The following SNAP91 variants were observed in gnomAD, a reference collection of about 807,000 sequenced individuals.
SNAP91 encodes the protein synaptosome associated protein 91, also known as clathrin coat assembly protein AP180.
Under a neutral mutation model 100.3 loss-of-function variants are expected in SNAP91, and 27 were observed. The observed-to-expected ratio is 0.27, with a 90% CI of 0.20 to 0.37. The LOEUF (loss-of-function observed/expected upper bound fraction) is 0.37, where lower values mean the gene tolerates loss of function less well. Ranked by LOEUF, SNAP91 falls within the 10% of genes least tolerant of loss-of-function variation. The pLI, the probability that SNAP91 is intolerant of heterozygous loss-of-function variation, is 1.00. For synonymous variants in SNAP91, 404 were observed against 398.6 expected, an observed-to-expected ratio of 1.01 and a Z score of -0.16; for missense variants, 986 against 1,123.7, an observed-to-expected ratio of 0.88 and a Z score of 1.75.
intron 11 of SNAP91, among the ~76,000 whole-genome samples, chr6:83,612,890 G>A (rs1251795393): frequency 7.4e-5 from 5 of 67,592 alleles, no homozygotes; most frequent in Non-Finnish European, 1.2e-4. Context: ...GCGAGACTCA[G>A]TCTCAAAAAA....
At chr6:83,575,673 T>A (rs1343679517) in intron 25 of SNAP91, 1 of 239,230 alleles carries the variant, frequency 4.2e-6, no homozygotes, top group Non-Finnish European at 7.9e-6. Flanking sequence ...TTACAATTAA[T>A]ACTCCATGAA....
In SNAP91 at chr6:83,665,411, C is replaced by CA. The variant is rs770982555; in HGVS notation, c.273+27dup. ...CTTCCTAAAAGCCTCCTTCCTCCAT[C>CA]AAAAAAAGAAAAGTTTACTTAGTTT... On this transcript the variant is annotated intron_variant, in intron 3 of 29. Transcript: ENST00000369694. The CA allele has an allele frequency of 6.3e-6, 10 of 1,599,168 alleles. No homozygotes were observed. In the Admixed American group the frequency reaches 1.2e-4, roughly 20 times the overall value.
chr6:83,655,372 C>A (rs960454143), intron 7 of SNAP91, among the ~76,000 whole-genome samples: 1 of 152,148 alleles, frequency 6.6e-6, no homozygotes, highest in Non-Finnish European at 1.5e-5. Context: ...GAAGACTCTG[C>A]AACTTCTCCA....
intron 13 of SNAP91, among the ~76,000 whole-genome samples, chr6:83,607,277 G>C (rs76762455): frequency 0.018 from 2,806 of 152,000 alleles, 79 homozygotes; most frequent in African/African-American, 0.061. Flanking sequence ...TACCACCAGA[G>C]TGTGAGTTCC....
At chr6:83,698,476 G>A (rs573633671) in intron 2 of SNAP91, among the ~76,000 whole-genome samples, 1 of 152,094 alleles carries the variant, frequency 6.6e-6, no homozygotes, top group African/African-American at 2.4e-5. Flanking sequence ...AGGCCTTTGA[G>A]ACTAAGCAAG....
intron 26 of SNAP91, among the ~76,000 whole-genome samples, chr6:83,571,318 T>C (rs1190631903): frequency 1.3e-5 from 2 of 152,164 alleles, no homozygotes; most frequent in African/African-American, 4.8e-5. Flanking sequence ...TTGGCCAGGA[T>C]GGTCTCGATC....
intron 7 of SNAP91, among the ~76,000 whole-genome samples, chr6:83,653,504 C>T (rs1246531176): frequency 6.6e-6 from 1 of 152,108 alleles, no homozygotes; most frequent in Non-Finnish European, 1.5e-5. Flanking sequence ...CTTACATTGC[C>T]TATCTGTTCT....
chr6:83,611,211 C>A (rs989514666), intron 11 of SNAP91, among the ~76,000 whole-genome samples: 3 of 152,062 alleles, frequency 2.0e-5, no homozygotes, highest in African/African-American at 7.2e-5. Context: ...TTTTCCCCCC[C>A]CATGGCTGTA....
chr6:83,680,942 C>T (rs1178648334), intron 2 of SNAP91, among the ~76,000 whole-genome samples: 1 of 152,106 alleles, frequency 6.6e-6, no homozygotes, highest in Non-Finnish European at 1.5e-5. Context: ...TCAATACTTA[C>T]CTAGTTTTGG....
chr6:83,691,465 T>C (rs1162568084), intron 2 of SNAP91, among the ~76,000 whole-genome samples: 1 of 152,148 alleles, frequency 6.6e-6, no homozygotes, highest in East Asian at 1.9e-4. Flanking sequence ...ACAATGTATA[T>C]CGAGATTCAC....
At chr6:83,667,771 C>T (rs1254339955) in intron 2 of SNAP91, among the ~76,000 whole-genome samples, 3 of 152,038 alleles carry the variant, frequency 2.0e-5, no homozygotes, top group African/African-American at 7.2e-5. Context: ...TATGCATGGG[C>T]AAGGACTTCA....
At chr6:83,667,902 A>C (rs2098716506) in intron 2 of SNAP91, among the ~76,000 whole-genome samples, 1 of 152,166 alleles carries the variant, frequency 6.6e-6, no homozygotes, top group South Asian at 2.1e-4. Context: ...CAACCTACAG[A>C]ATGGGAGAAA....
chr6:83,624,229 T>C (rs930965695), intron 8 of SNAP91, among the ~76,000 whole-genome samples: 2 of 152,034 alleles, frequency 1.3e-5, no homozygotes, highest in Non-Finnish European at 2.9e-5. Context: ...TAAAGGTAAA[T>C]CAATGAAGAG....
chr6:83,591,095 A>AT lies in SNAP91; in HGVS notation c.2014+115dup, dbSNP rs142513418. 2,154 of 670,176 alleles carry AT rather than the reference A, an allele frequency of 3.2e-3. 26 individuals carry two copies. In the African/African-American group the frequency reaches 0.035, roughly 11 times the overall value. The allele number at this position is 670,176 out of a possible 1,614,324, so 41.5% of individuals were successfully genotyped here. A position where few individuals can be genotyped will look rare whatever the true frequency, so the allele number is the denominator to read the frequency against. On this transcript the variant is annotated intron_variant, in intron 22 of 29. Transcript: ENST00000369694. ...AATACTTGTCCCCTCCCTCAATTTT[A>AT]TGTCTTGAAAGAAAAAGAAAACATG...
chr6:83,578,185 T>A (rs1479846938), intron 24 of SNAP91, among the ~76,000 whole-genome samples: 1 of 152,190 alleles, frequency 6.6e-6, no homozygotes, highest in African/African-American at 2.4e-5. Flanking sequence ...AACATTCATG[T>A]ACAAGTTTTT....
At chr6:83,596,733 T>C (rs2094514431) in intron 16 of SNAP91, among the ~76,000 whole-genome samples, 2 of 148,462 alleles carry the variant, frequency 1.3e-5, no homozygotes, top group Non-Finnish European at 3.0e-5. Flanking sequence ...GTACATTATA[T>C]ATATATGTAT....
intron 22 of SNAP91, among the ~76,000 whole-genome samples, chr6:83,585,857 T>C (rs541311721): frequency 9.3e-5 from 14 of 150,288 alleles, no homozygotes; most frequent in African/African-American, 3.2e-4. Context: ...TTCTTTCTTT[T>C]TTTTTTTTTT....
At chr6:83,570,450 A>T (rs7752339) in intron 26 of SNAP91, among the ~76,000 whole-genome samples, 2 of 151,848 alleles carry the variant, frequency 1.3e-5, no homozygotes, top group African/African-American at 4.8e-5. Context: ...TAAGTAACAA[A>T]GAGCCGAATG....
intron 8 of SNAP91, among the ~76,000 whole-genome samples, chr6:83,630,965 T>C (rs1412418759): frequency 1.3e-5 from 2 of 152,148 alleles, no homozygotes; most frequent in Non-Finnish European, 2.9e-5. Flanking sequence ...AATTTTTTGA[T>C]GTAGGCATTT....
Sources: allele counts gnomAD v4.1 joint callset (sites outside exome capture counted in the v4.1 genomes callset), GRCh38; gene constraint gnomAD v4.1.1; transcripts MANE v1.5; gene names NCBI Gene and HGNC (gene_info 2026-07-23, HGNC 2026-07-21).